Variants in CPEB1 observed in about 807,000 individuals in gnomAD.
CPEB1 encodes cytoplasmic polyadenylation element binding protein 1.
CPEB1 carries 7 observed loss-of-function variants against 65.8 expected under a neutral mutation model. That is an observed-to-expected ratio of 0.11 (90% CI 0.06 to 0.20). The LOEUF (loss-of-function observed/expected upper bound fraction) is 0.20, where lower values mean the gene tolerates loss of function less well. Among genes scored for constraint, CPEB1 ranks in the 10% least tolerant of loss-of-function variants. The pLI, the probability that CPEB1 is intolerant of heterozygous loss-of-function variation, is 1.00. For synonymous variants in CPEB1, 262 were observed against 260.0 expected, an observed-to-expected ratio of 1.01 and a Z score of -0.08; for missense variants, 551 against 712.2, an observed-to-expected ratio of 0.77 and a Z score of 2.58.
Position 82,568,034 on chromosome 15 carries a change from T to C in CPEB1, c.460+3310A>G, listed in dbSNP as rs571843689. On this transcript the variant is annotated intron_variant, in intron 4 of 12. Coordinates refer to ENST00000684509, the MANE Select transcript of CPEB1 (RefSeq NM_001365242.1). ...GCTGAATAGCCCCTATAGTAGTATA[T>C]GGTTACTTTAAGTTTTCTCACCCAA... 9.2e-5 allele frequency among the ~76,000 whole-genome samples: 14 copies of C among 152,298 alleles called. No homozygotes were observed. In the South Asian group the frequency reaches 1.0e-3, roughly 11 times the overall value.
intron 3 of CPEB1, among the ~76,000 whole-genome samples, chr15:82,605,569 G>C (rs746327693): frequency 1.3e-5 from 2 of 152,090 alleles, no homozygotes; most frequent in Non-Finnish European, 2.9e-5. Flanking sequence ...AAAAATATAA[G>C]TATGTGAGGT....
At chr15:82,630,946 C>CTA (rs765574657) in intron 1 of CPEB1, among the ~76,000 whole-genome samples, 35 of 151,912 alleles carry the variant, frequency 2.3e-4, no homozygotes, top group Non-Finnish European at 3.2e-4. Context: ...AATAAAAGTA[C>CTA]TATATATATA....
At chr15:82,636,252 C>T (rs1336381695) in intron 1 of CPEB1, among the ~76,000 whole-genome samples, 1 of 152,138 alleles carries the variant, frequency 6.6e-6, no homozygotes, top group Non-Finnish European at 1.5e-5. Context: ...CCACAATGTC[C>T]TGCCAGCACT....
upstream of CPEB1, chr15:82,647,859 C>T (rs1365171579): frequency 4.7e-6 from 6 of 1,270,534 alleles, no homozygotes; most frequent in Admixed American, 8.3e-5. Context: ...CTCTTACCAG[C>T]GGGAACGCCA....
chr15:82,605,323 GGTAAATA>G (rs1466824774), intron 3 of CPEB1, among the ~76,000 whole-genome samples: 1 of 152,016 alleles, frequency 6.6e-6, no homozygotes, highest in Non-Finnish European at 1.5e-5. Flanking sequence ...TAACTACATA[GGTAAATA>G]TAATAGAGAG....
chr15:82,566,544 G>T (rs1222781819), intron 4 of CPEB1, among the ~76,000 whole-genome samples: 1 of 152,120 alleles, frequency 6.6e-6, no homozygotes, highest in Non-Finnish European at 1.5e-5. Context: ...AACAGAGTGT[G>T]GACTTCCCCC....
chr15:82,548,641 C>T, intron 10 of CPEB1: 2 of 440,672 alleles, frequency 4.5e-6, no homozygotes, highest in South Asian at 3.2e-5. Context: ...AGCAGTTGAA[C>T]TGAACCTCTC....
intron 3 of CPEB1, among the ~76,000 whole-genome samples, chr15:82,576,111 T>C (rs1385692519): frequency 6.6e-6 from 1 of 152,182 alleles, no homozygotes; most frequent in Non-Finnish European, 1.5e-5. Context: ...ATGTAGTACA[T>C]GCATATACCA....
At chr15:82,552,697 C>A in intron 8 of CPEB1, 81 bp from the exon 9 acceptor site, 1 of 1,473,802 alleles carries the variant, frequency 6.8e-7, no homozygotes, top group Non-Finnish European at 9.4e-7. Context: ...CAGGGCGTTT[C>A]TTCCAAGAAA....
intron 1 of CPEB1, among the ~76,000 whole-genome samples, chr15:82,646,448 AG>A (rs1357127254): frequency 6.6e-6 from 1 of 152,150 alleles, no homozygotes; most frequent in Non-Finnish European, 1.5e-5. Context: ...CCGGGGCTGC[AG>A]GCGCGGGGCG....
chr15:82,626,290 T>G (rs998934196), intron 3 of CPEB1, among the ~76,000 whole-genome samples: 16 of 140,486 alleles, frequency 1.1e-4, no homozygotes, highest in African/African-American at 4.0e-4. Context: ...AAAAATTAGC[T>G]GGGTGTGGTG....
At chr15:82,583,571 C>T (rs888767290) in intron 3 of CPEB1, 1 of 152,156 alleles carries the variant, frequency 6.6e-6, no homozygotes, top group African/African-American at 2.4e-5. Context: ...ACATTGAAAG[C>T]TTCAAAAGAT....
chr15:82,612,823 G>A (rs373725527), intron 3 of CPEB1, among the ~76,000 whole-genome samples: 252 of 150,828 alleles, frequency 1.7e-3, no homozygotes, highest in African/African-American at 5.8e-3. Context: ...AACATAGTGA[G>A]ACTCTGTCTC....
At chr15:82,638,976 C>T (rs1460557263) in intron 1 of CPEB1, among the ~76,000 whole-genome samples, 1 of 152,156 alleles carries the variant, frequency 6.6e-6, no homozygotes, top group Non-Finnish European at 1.5e-5. Context: ...TTTGCACTAT[C>T]GGTACAAATG....
chr15:82,599,596 A>T (rs976655160), intron 3 of CPEB1, among the ~76,000 whole-genome samples: 2 of 152,190 alleles, frequency 1.3e-5, no homozygotes, highest in Non-Finnish European at 1.5e-5. Context: ...ACCAGAACAC[A>T]AAAGTCATTT....
At chr15:82,572,269 T>C (rs1032576033) in intron 3 of CPEB1, among the ~76,000 whole-genome samples, 3 of 152,170 alleles carry the variant, frequency 2.0e-5, no homozygotes, top group Non-Finnish European at 2.9e-5. Context: ...GACACAGCAG[T>C]GTTTACCACT....
At chr15:82,592,235 C>G (rs1465618966) in intron 3 of CPEB1, among the ~76,000 whole-genome samples, 1 of 151,998 alleles carries the variant, frequency 6.6e-6, no homozygotes, top group Non-Finnish European at 1.5e-5. Context: ...AGTTGCAGAC[C>G]ACCTCAAAGT....
rs1471089241 is a variant in CPEB1 at position 82,571,631 on chromosome 15, C to A, written c.272-99G>T. The A allele has an allele frequency of 1.1e-5, 16 of 1,480,654 alleles. No individual in the cohort carries two copies. In the Middle Eastern group the frequency reaches 7.6e-4, roughly 70 times the overall value. 91.7% of individuals were successfully genotyped at this position (1,480,654 alleles called of 1,614,324 possible). On this transcript the variant is annotated intron_variant, in intron 3 of 12. Transcript: ENST00000684509. ...TTATTAATAATAGTTTCCCCAGGCT[C>A]ACAGGCCAGACATCCAAGCTGGCTG...
intron 3 of CPEB1, among the ~76,000 whole-genome samples, chr15:82,582,223 C>A (rs963019665): frequency 1.3e-5 from 2 of 152,184 alleles, no homozygotes; most frequent in African/African-American, 4.8e-5. Flanking sequence ...TTCCAACATA[C>A]CCCACATTTT....
Sources: allele counts gnomAD v4.1 joint callset (sites outside exome capture counted in the v4.1 genomes callset), GRCh38; gene constraint gnomAD v4.1.1; transcripts MANE v1.5; gene names NCBI Gene and HGNC (gene_info 2026-07-23, HGNC 2026-07-21).